The following DOCK2 variants were observed in gnomAD, a reference collection of about 807,000 sequenced individuals.
DOCK2 encodes the protein dedicator of cytokinesis protein 2.
A neutral mutation model predicts 248.9 loss-of-function variants in DOCK2; 87 were observed. The observed-to-expected ratio is 0.35, with a 90% CI of 0.29 to 0.42. DOCK2 has a LOEUF of 0.42. Ranked by LOEUF, DOCK2 falls within the 10% of genes least tolerant of loss-of-function variation. DOCK2 has a pLI of 1.00. For synonymous variants in DOCK2, 805 were observed against 821.6 expected (o/e 0.98, Z 0.35); for missense variants, 1,747 against 2,300.2 (o/e 0.76, Z 4.92).
At chr5:169,872,758 C>T (rs1303983697) in intron 27 of DOCK2, among the ~76,000 whole-genome samples, 1 of 152,150 alleles carries the variant, frequency 6.6e-6, no homozygotes. Context: ...GGGGAAGGGA[C>T]AGGAAAGTCT....
At chr5:169,968,726 T>C (rs1336901774) in intron 27 of DOCK2, among the ~76,000 whole-genome samples, 1 of 152,226 alleles carries the variant, frequency 6.6e-6, no homozygotes, top group East Asian at 1.9e-4. Flanking sequence ...GGGTACTCCC[T>C]GGGTCAGCTC....
rs144201557 is a variant in DOCK2 at position 169,836,887 on chromosome 5, T to C, written c.2704-3870T>C. On this transcript the variant is annotated intron_variant, in intron 26 of 51. Transcript: ENST00000520908. Reference sequence around the variant, plus strand: ...TATAATTTGGTTTAGTGTTATGAAATGCTTTGTCTATTGTTACTTAAAATA... The same window carrying C: ...TATAATTTGGTTTAGTGTTATGAAACGCTTTGTCTATTGTTACTTAAAATA... Among the ~76,000 whole-genome samples the C allele has an allele frequency of 1.7e-3, 263 of 152,316 alleles. 3 individuals carry two copies. The highest frequency in any genetic ancestry group is 6.1e-3 in the African/African-American group (253 of 41,568).
intron 27 of DOCK2, among the ~76,000 whole-genome samples, chr5:169,955,098 G>C (rs1228993220): frequency 6.6e-6 from 1 of 152,204 alleles, no homozygotes; most frequent in African/African-American, 2.4e-5. Context: ...CTGAAGCAAG[G>C]CAACCCCATA....
rs34525811 is a variant in DOCK2 at position 169,874,410 on chromosome 5, CAA to C, written c.2799+33579_2799+33580del. Among the ~76,000 whole-genome samples, 403 of 72,036 alleles carry C rather than the reference CAA, an allele frequency of 5.6e-3. 3 individuals are homozygous for C. The highest frequency in any genetic ancestry group is 0.028 in the South Asian group (42 of 1,520). The allele number at this position is 72,036 out of a possible 152,430, so 47.3% of individuals were successfully genotyped here. On this transcript the variant is annotated intron_variant, in intron 27 of 51. Transcript: ENST00000520908. ...CCTAGGCGACAGTGAGACTCTGTCT[CAA>C]AAAAAAAAAAAAAAAAAAAAGCAAT...
chr5:169,940,152 C>G (rs1776180149), intron 27 of DOCK2, among the ~76,000 whole-genome samples: 1 of 152,130 alleles, frequency 6.6e-6, no homozygotes, highest in Non-Finnish European at 1.5e-5. Context: ...CCACAGTTTT[C>G]TGTGTGTGTA....
At chr5:169,777,324 G>T (rs1207897388) in intron 25 of DOCK2, among the ~76,000 whole-genome samples, 4 of 152,202 alleles carry the variant, frequency 2.6e-5, no homozygotes, top group East Asian at 1.9e-4. Context: ...ATGGCAGGGG[G>T]TGTGTCTGTG....
chr5:169,978,375 A>ATGTGTGTG lies in DOCK2; in HGVS notation c.2800-4682_2800-4675dup, dbSNP rs70979152. On this transcript the variant is annotated intron_variant, in intron 27 of 51. Coordinates refer to ENST00000520908, the MANE Select transcript of DOCK2 (RefSeq NM_004946.3). The stretch of plus-strand genomic sequence containing the variant: ...CACTGCAGGGGTCCTGGCTCTGTGT[A>ATGTGTGTG]TGTGTGTGTGTGTGTGTGGGGGGGG... Among the ~76,000 whole-genome samples, 16 of 25,772 alleles carry ATGTGTGTG rather than the reference A, an allele frequency of 6.2e-4. 1 individual carries two copies. The highest frequency in any genetic ancestry group is 1.9e-3 in the African/African-American group (14 of 7,206). 16.9% of individuals were successfully genotyped at this position (25,772 alleles called of 152,430 possible).
chr5:169,811,856 A>C (rs1767780705), intron 26 of DOCK2, among the ~76,000 whole-genome samples: 1 of 152,206 alleles, frequency 6.6e-6, no homozygotes, highest in Non-Finnish European at 1.5e-5. Context: ...TCGCCAGTTA[A>C]CAGCACTTTC....
At chr5:169,842,397 G>A (rs567053127) in intron 27 of DOCK2, among the ~76,000 whole-genome samples, 4 of 152,032 alleles carry the variant, frequency 2.6e-5, no homozygotes, top group African/African-American at 4.8e-5. Flanking sequence ...TCACTCTGTC[G>A]CCCAGGCTGG....
intron 12 of DOCK2, 87 bp downstream of exon 12, chr5:169,699,545 T>C: frequency 7.6e-7 from 1 of 1,312,082 alleles, no homozygotes; most frequent in Non-Finnish European, 1.1e-6. Flanking sequence ...TCCTGAACCC[T>C]GGGATACTTA....
chr5:169,696,569 T>C (rs10516068), intron 10 of DOCK2, among the ~76,000 whole-genome samples: 18,697 of 152,282 alleles, frequency 0.12, 1,402 homozygotes, highest in Middle Eastern at 0.21. Flanking sequence ...CTTTACATAA[T>C]GTATGTTTTT....
intron 22 of DOCK2, among the ~76,000 whole-genome samples, chr5:169,738,271 A>C (rs1763143555): frequency 6.6e-6 from 1 of 152,232 alleles, no homozygotes; most frequent in African/African-American, 2.4e-5. Context: ...GTGTTTTTAG[A>C]AAGGTCCCTC....
At chr5:169,806,403 C>T (rs1767364646) in intron 26 of DOCK2, among the ~76,000 whole-genome samples, 1 of 152,022 alleles carries the variant, frequency 6.6e-6, no homozygotes, top group Non-Finnish European at 1.5e-5. Flanking sequence ...CCTGCCTTGG[C>T]CTCCCAAAGT....
chr5:170,080,595 G>A (rs1757996046), intron 50 of DOCK2: 4 of 339,344 alleles, frequency 1.2e-5, no homozygotes, highest in Admixed American at 4.0e-5. Flanking sequence ...GGCCTCCCCA[G>A]GGGCCAGAAG....
chr5:169,774,987 C>T (rs1033845118), intron 25 of DOCK2, among the ~76,000 whole-genome samples: 1 of 152,144 alleles, frequency 6.6e-6, no homozygotes, highest in Non-Finnish European at 1.5e-5. Flanking sequence ...TGGCTCACCG[C>T]AGCCTCCGCT....
chr5:169,828,270 G>A lies in DOCK2; in HGVS notation c.2704-12487G>A, dbSNP rs532247878. Among the ~76,000 whole-genome samples the A allele has an allele frequency of 1.7e-3, 266 of 152,304 alleles. 9 individuals are homozygous for A. In the South Asian group the frequency reaches 0.052, roughly 30 times the overall value. On this transcript the variant is annotated intron_variant, in intron 26 of 51. Coordinates refer to ENST00000520908, the MANE Select transcript of DOCK2 (RefSeq NM_004946.3). Reference sequence around the variant, plus strand: ...AGCAAAGGAAAAGAGGTTCAAGGGTGAGATTTTAAAACCTCCCTTTGCTAG... The same window carrying A: ...AGCAAAGGAAAAGAGGTTCAAGGGTAAGATTTTAAAACCTCCCTTTGCTAG...
intron 23 of DOCK2, among the ~76,000 whole-genome samples, chr5:169,758,373 G>A (rs950783588): frequency 6.6e-6 from 1 of 152,144 alleles, no homozygotes; most frequent in Non-Finnish European, 1.5e-5. Flanking sequence ...GAGAGATTGG[G>A]ACCCAGAGGA....
At chr5:169,752,789 G>A (rs994534769) in intron 23 of DOCK2, among the ~76,000 whole-genome samples, 3 of 151,910 alleles carry the variant, frequency 2.0e-5, no homozygotes, top group South Asian at 2.1e-4. Context: ...AAATACTGCC[G>A]GGCGCCGTGA....
chr5:169,746,457 G>A (rs1269344362), intron 22 of DOCK2, among the ~76,000 whole-genome samples: 2 of 152,134 alleles, frequency 1.3e-5, no homozygotes, highest in African/African-American at 4.8e-5. Context: ...GCCAAGGCCC[G>A]GGCACACTGA....
Sources: allele counts gnomAD v4.1 joint callset (sites outside exome capture counted in the v4.1 genomes callset), GRCh38; gene constraint gnomAD v4.1.1; transcripts MANE v1.5; gene names NCBI Gene and HGNC (gene_info 2026-07-23, HGNC 2026-07-21).